IL17RC: variants seen among roughly 807,000 people sequenced by gnomAD.
The protein encoded by IL17RC is interleukin 17 receptor C.
A neutral mutation model predicts 86.7 loss-of-function variants in IL17RC; 53 were observed. The observed-to-expected ratio is 0.61, with a 90% CI of 0.49 to 0.77. The LOEUF (loss-of-function observed/expected upper bound fraction) is 0.77. Ranked by LOEUF, IL17RC falls within the 30% of genes least tolerant of loss-of-function variation. The probability of loss-of-function intolerance (pLI) is 0.00; values close to 1 mark genes in which losing one functional copy is unlikely to be tolerated. For synonymous variants in IL17RC, 439 were observed against 413.1 expected (o/e 1.06, Z -0.76); for missense variants, 957 against 940.0 (o/e 1.02, Z -0.24).
rs767780663 is a variant in IL17RC, at chr3:9,917,342, C to T, written c.27C>T (p.Ser9=). The T allele has an allele frequency of 1.9e-6, 3 of 1,614,070 alleles. No individual in the cohort carries two copies. Among genetic ancestry groups the T allele is most frequent in the East Asian group, 2.2e-5 (1 of 44,862 alleles). ...TGCCTGTGCCCTGGTTCTTGCTGTCCTTGGCACTGGGCCGAAGCCCAGTGG... is the reference window on the plus strand; with the variant it reads ...TGCCTGTGCCCTGGTTCTTGCTGTCTTTGGCACTGGGCCGAAGCCCAGTGG... MPVPWFLL[S]LALGRSPVVL... Residue 9 remains serine, a synonymous_variant, in exon 1 of 19, where the codon TCC becomes TCT. Coordinates refer to ENST00000403601, the MANE Select transcript of IL17RC (RefSeq NM_153460.4).
chr3:9,925,514 C>T (rs2083977296), intron 9 of IL17RC, among the ~76,000 whole-genome samples: 6 of 152,110 alleles, frequency 3.9e-5, no homozygotes, highest in Admixed American at 3.9e-4. Flanking sequence ...CTCAGTCCAG[C>T]TTAGGGCTCT....
rs536529293 is a variant in IL17RC, at chr3:9,930,507, G to A, written c.1338+48G>A. On this transcript the variant is annotated intron_variant, in intron 15 of 18. Transcript: ENST00000403601. The surrounding 1 kb of genome is among the most constrained non-coding windows in gnomAD (Gnocchi z 5.8). ...CCACCTCAATGCCTAGGGGCAACAG[G>A]CCTAAAACTAGCACTCACCTACTGT... 9 of 1,566,530 alleles carry A rather than the reference G, an allele frequency of 5.7e-6. No homozygotes were observed. The South Asian group carries it at 8.9e-5, about 16-fold the overall frequency.
At chr3:9,931,482 T>C (rs139054936) in intron 16 of IL17RC, among the ~76,000 whole-genome samples, 6,676 of 22,162 alleles carry the variant, frequency 0.3, 689 homozygotes, top group African/African-American at 0.36. Flanking sequence ...TATATATATA[T>C]ATATATATAT....
Position 9,917,699 on chromosome 3 carries a change from T to G in IL17RC, c.106-14T>G. On this transcript the variant is annotated splice_polypyrimidine_tract_variant and intron_variant, in intron 1 of 18. Transcript: ENST00000403601. ...GGGGGCACAAATTCTGACTCTCCTTTCTTTCCTTCCCAGGGCCTCTCCTGC... is the reference window on the plus strand; with the variant it reads ...GGGGGCACAAATTCTGACTCTCCTTGCTTTCCTTCCCAGGGCCTCTCCTGC... 6.2e-7 allele frequency: 1 copy of G among 1,613,788 alleles called. No individual in the cohort carries two copies. Among genetic ancestry groups the G allele is most frequent in the East Asian group, 2.2e-5 (1 of 44,864 alleles).
At chr3:9,931,466 CACACAT>C (rs1340927742) in intron 16 of IL17RC, among the ~76,000 whole-genome samples, 83 of 15,622 alleles carry the variant, frequency 5.3e-3, no homozygotes, top group South Asian at 0.038. Context: ...CACACACACA[CACACAT>C]ATATATATAT....
chr3:9,922,253 T>A (rs2083647158), intron 7 of IL17RC, among the ~76,000 whole-genome samples: 1 of 152,116 alleles, frequency 6.6e-6, no homozygotes, highest in Non-Finnish European at 1.5e-5. Flanking sequence ...GTCCGGCCAA[T>A]TTGTTTTTAT....
In IL17RC at chr3:9,930,777, C is replaced by T. The variant is rs1437033515; in HGVS notation, c.1339-118C>T. On this transcript the variant is annotated intron_variant, in intron 15 of 18. Coordinates refer to ENST00000403601, the MANE Select transcript of IL17RC (RefSeq NM_153460.4). This position sits in a 1 kb window ranked among gnomAD's most constrained non-coding sequence, Gnocchi z 5.8. ...ACAAAGGCAGAGCAGCTGCAGGAACCTTAGCCGGGAGATATGCATAGTTGA... is the reference window on the plus strand; with the variant it reads ...ACAAAGGCAGAGCAGCTGCAGGAACTTTAGCCGGGAGATATGCATAGTTGA... The T allele has an allele frequency of 1.1e-6, 1 of 917,336 alleles. No homozygotes were observed. The allele number at this position is 917,336 out of a possible 1,614,324, so 56.8% of individuals were successfully genotyped here.
chr3:9,932,733 G>A (rs1014335868), intron 17 of IL17RC, 30 bp downstream of exon 17: 13 of 1,612,908 alleles, frequency 8.1e-6, no homozygotes, highest in Non-Finnish European at 1.0e-5. Context: ...CCATTCCCCT[G>A]GGGGAGGACC....
chr3:9,920,953 C>A lies in IL17RC; in HGVS notation c.606C>A (p.Ser202Arg). ...GCAGGGGGCTCGAAGTCTGGAACAG[C>A]ATCCCGAGCTGCTGGGGTAGGGGCT... ...PDCRGLEVWN[S>R]IPSCWALPWL... is the part of the protein sequence containing the mutation. Residue 202 changes from serine to arginine, a missense_variant, in exon 7 of 19, where the codon AGC (serine) becomes AGA (arginine). Ser to Arg is a moderately radical substitution (Grantham distance 110). Coordinates refer to ENST00000403601, the MANE Select transcript of IL17RC (RefSeq NM_153460.4). 3 of 1,597,946 alleles carry A rather than the reference C, an allele frequency of 1.9e-6. No homozygotes were observed. Among genetic ancestry groups the A allele is most frequent in the Non-Finnish European group, 2.6e-6 (3 of 1,174,406 alleles).
intron 7 of IL17RC, among the ~76,000 whole-genome samples, chr3:9,922,127 A>AT (rs1395918580): frequency 6.8e-6 from 1 of 147,928 alleles, no homozygotes; most frequent in African/African-American, 2.5e-5. Context: ...TAATTTTTGT[A>AT]TTTTTAGTAG....
chr3:9,926,031 CTTTTT>C (rs5846649), intron 9 of IL17RC, among the ~76,000 whole-genome samples: 5 of 89,764 alleles, frequency 5.6e-5, no homozygotes, highest in African/African-American at 9.2e-5. Flanking sequence ...TAATTGTTTC[CTTTTT>C]TTTTTTTTTT....
At chr3:9,920,151 G>A (rs2125145306) in intron 5 of IL17RC, among the ~76,000 whole-genome samples, 1 of 152,252 alleles carries the variant, frequency 6.6e-6, no homozygotes, top group East Asian at 1.9e-4. Flanking sequence ...TGGGTTGAGT[G>A]TGAGAACCAC....
intron 9 of IL17RC, among the ~76,000 whole-genome samples, chr3:9,927,925 G>A (rs1307466646): frequency 1.3e-5 from 2 of 152,076 alleles, no homozygotes; most frequent in East Asian, 1.9e-4. Flanking sequence ...CTCCAGCCTG[G>A]GCGACAGAGC....
intron 12 of IL17RC, chr3:9,928,880 A>G (rs754734859): frequency 1.7e-5 from 9 of 518,528 alleles, no homozygotes; most frequent in Middle Eastern, 1.0e-3. Context: ...TGACAATGAA[A>G]TAAGAGAAGT....
At position 9,930,117 on chromosome 3, in the gene IL17RC, G is replaced by A. The variant is rs1323818220; in HGVS notation, c.1246G>A (p.Gly416Ser). 1.9e-6 allele frequency: 3 copies of A among 1,613,994 alleles called. No homozygotes were observed. The highest frequency in any genetic ancestry group is 2.5e-6 in the Non-Finnish European group (3 of 1,180,026). Residue 416 changes from glycine to serine, a missense_variant, in exon 14 of 19, where the codon GGC becomes AGC. Physicochemically the swap from Gly to Ser is moderately conservative, Grantham distance 56. Coordinates refer to ENST00000403601, the MANE Select transcript of IL17RC (RefSeq NM_153460.4). The surrounding 1 kb of genome is among the most constrained non-coding windows in gnomAD (Gnocchi z 5.8). ...NRSLCALEPS[G>S]CTSLPSKAST... is the part of the protein sequence containing the mutation. The stretch of plus-strand genomic sequence containing the variant: ...ATCCCTCTGTGCCTTGGAACCCAGT[G>A]GCTGTACTTCACTACCCAGCAAAGC...
rs1412304817 is a variant in IL17RC, at chr3:9,917,504, T to C, written c.105+84T>C. 3.1e-6 allele frequency: 5 copies of C among 1,614,182 alleles called. No individual in the cohort carries two copies. The highest frequency in any genetic ancestry group is 1.1e-5 in the South Asian group (1 of 91,088). The stretch of plus-strand genomic sequence containing the variant: ...AAAGCCTTAGCCTGGCTCCTGTCAC[T>C]GCTGCCACTGCCAGAACTGCCCTGT... On this transcript the variant is annotated intron_variant, in intron 1 of 18. Coordinates refer to ENST00000403601, the MANE Select transcript of IL17RC (RefSeq NM_153460.4).
chr3:9,930,031 C>T lies in IL17RC; in HGVS notation c.1160C>T (p.Ser387Phe), dbSNP rs1401458316. The T allele has an allele frequency of 6.2e-7, 1 of 1,614,038 alleles. No homozygotes were observed. The highest frequency in any genetic ancestry group is 2.2e-5 in the East Asian group (1 of 44,870). The change falls in exon 14 of 19, where the codon TCC becomes TTC. Residue 387 changes from serine to phenylalanine, a missense_variant. By Grantham distance (155) the Ser-to-Phe change is radical. Coordinates refer to ENST00000403601, the MANE Select transcript of IL17RC (RefSeq NM_153460.4). The surrounding 1 kb of genome is among the most constrained non-coding windows in gnomAD (Gnocchi z 5.8). ...LQLQECLWAD[S>F]LGPLKDDVLL... ...AGTGGCCTCTCACCCCTTCCAGACT[C>T]CCTGGGGCCTCTCAAAGACGATGTG...
chr3:9,931,745 T>TA (rs1384287971), intron 16 of IL17RC, among the ~76,000 whole-genome samples: 1 of 151,658 alleles, frequency 6.6e-6, no homozygotes, highest in Non-Finnish European at 1.5e-5. Context: ...GACCTCGTGA[T>TA]CCGCCCGCGT....
chr3:9,924,279 C>T lies in IL17RC; in HGVS notation c.810C>T (p.Cys270=), dbSNP rs769748670. Residue 270 remains cysteine (C), a synonymous_variant, in exon 9 of 19, where the codon TGC becomes TGT. Transcript: ENST00000403601. ...TGAACCACACAGACCTGGTTCCCTG[C>T]CTCTGTATTCAGGTAGGAGCAGAGT... The part of the protein sequence containing the change: ...ITLNHTDLVP[C]LCIQVWPLEP... The T allele has an allele frequency of 2.2e-5, 36 of 1,613,974 alleles. No individual in the cohort carries two copies. In the East Asian group the frequency reaches 4.0e-4, roughly 18 times the overall value.
Sources: allele counts gnomAD v4.1 joint callset (sites outside exome capture counted in the v4.1 genomes callset), GRCh38; gene constraint gnomAD v4.1.1; non-coding constraint Gnocchi (gnomAD v3.1); transcripts MANE v1.5; gene names NCBI Gene and HGNC (gene_info 2026-07-23, HGNC 2026-07-21).